Variants in TNN observed in about 807,000 individuals in gnomAD.
TNN encodes the protein tenascin-N.
In TNN, 122 loss-of-function variants were observed where a neutral mutation model predicts 134.4. That is an observed-to-expected ratio of 0.91 (90% CI 0.78 to 1.06). TNN has a LOEUF of 1.06. Ranked by LOEUF, TNN falls within the 50% of genes least tolerant of loss-of-function variation. The pLI, the probability that TNN is intolerant of heterozygous loss-of-function variation, is 0.00. For synonymous variants in TNN, 710 were observed against 670.3 expected (o/e 1.06, Z -0.91); for missense variants, 1,739 against 1,699.4 (o/e 1.02, Z -0.41).
chr1:175,070,733 A>T (rs1388351473), intron 1 of TNN, among the ~76,000 whole-genome samples: 1 of 152,196 alleles, frequency 6.6e-6, no homozygotes, highest in East Asian at 1.9e-4. Context: ...TCCCTTGTAT[A>T]TCCATTTTCT....
intron 12 of TNN, 21 bp downstream of exon 12, chr1:175,123,684 A>G (rs1385009858): frequency 6.2e-7 from 1 of 1,613,440 alleles, no homozygotes; most frequent in African/African-American, 1.3e-5. Flanking sequence ...GGACCAGGCC[A>G]GGGGAACACC....
At chr1:175,068,718 C>T (rs975848335) in intron 1 of TNN, among the ~76,000 whole-genome samples, 1 of 152,024 alleles carries the variant, frequency 6.6e-6, no homozygotes, top group African/African-American at 2.4e-5. Context: ...ACCAGCCTGA[C>T]CAACATGGAG....
chr1:175,145,552 C>CAGAAAAAAAAAAAA (rs1676042605), intron 18 of TNN, among the ~76,000 whole-genome samples: 1 of 28,910 alleles, frequency 3.5e-5, no homozygotes, highest in African/African-American at 1.5e-4. Context: ...GACCCTGTCT[C>CAGAAAAAAAAAAAA]AAAAAAAAAA....
intron 7 of TNN, among the ~76,000 whole-genome samples, chr1:175,096,040 G>C (rs1249668621): frequency 6.6e-6 from 1 of 152,260 alleles, no homozygotes; most frequent in South Asian, 2.1e-4. Context: ...ATTCACGCCT[G>C]TATGGCATTC....
intron 11 of TNN, among the ~76,000 whole-genome samples, chr1:175,120,176 G>A (rs928219080): frequency 3.2e-4 from 49 of 152,170 alleles, no homozygotes; most frequent in African/African-American, 1.2e-3. Flanking sequence ...CTTTTAATGA[G>A]CATCATCTAA....
intron 1 of TNN, 48 bp from the exon 2 acceptor site, chr1:175,077,336 C>T (rs1297907377): frequency 1.4e-6 from 2 of 1,430,494 alleles, no homozygotes; most frequent in Non-Finnish European, 9.4e-7. Context: ...AAGCCAGCTT[C>T]CCTCAGCACA....
Position 175,085,373 on chromosome 1 carries a change from A to G in TNN, c.1235-32A>G, listed in dbSNP as rs754849923. On this transcript the variant is annotated intron_variant, in intron 5 of 18. Transcript: ENST00000239462. ...CTGGGGAGAGGGGTCTGGAGCCTGC[A>G]CTCACATCCTGCGCTGCCTGCTTGT... The G allele has an allele frequency of 2.8e-6, 4 of 1,411,096 alleles. No homozygotes were observed. In the South Asian group the frequency reaches 3.5e-5, roughly 12 times the overall value. 87.4% of individuals were successfully genotyped at this position (1,411,096 alleles called of 1,614,324 possible).
At chr1:175,119,368 C>G (rs752852495) in intron 11 of TNN, among the ~76,000 whole-genome samples, 9 of 152,202 alleles carry the variant, frequency 5.9e-5, no homozygotes, top group Non-Finnish European at 1.2e-4. Flanking sequence ...AGAGGTCACT[C>G]TCATTGCCAT....
chr1:175,145,491 T>C (rs938161931), intron 18 of TNN, among the ~76,000 whole-genome samples: 1 of 127,254 alleles, frequency 7.9e-6, no homozygotes, highest in East Asian at 2.4e-4. Context: ...AGGTTGAGAC[T>C]GCAGTGAGCC....
intron 6 of TNN, among the ~76,000 whole-genome samples, chr1:175,091,683 G>A (rs10912883): frequency 0.55 from 82,825 of 151,244 alleles, 23,241 homozygotes; most frequent in African/African-American, 0.69. Flanking sequence ...CTGCCTTCCA[G>A]GTTCAAGCCA....
chr1:175,129,810 G>C (rs1178896850), intron 15 of TNN, among the ~76,000 whole-genome samples: 2 of 152,152 alleles, frequency 1.3e-5, no homozygotes, highest in East Asian at 3.9e-4. Flanking sequence ...TGCATAGCCT[G>C]ACTGGGGAGT....
chr1:175,123,658 A>G lies in TNN; in HGVS notation c.2909A>G (p.Gln970Arg), dbSNP rs148646044. The change falls in exon 12 of 19, where the codon CAG becomes CGG. Residue 970 changes from glutamine to arginine, a missense_variant. Gln to Arg is a conservative substitution (Grantham distance 43, BLOSUM62 1). Coordinates refer to ENST00000239462, the MANE Select transcript of TNN (RefSeq NM_022093.2). ...AGCAAGAAGGCTGACACCAAGGCCCAGACAGGTACTGAGAGGGACCAGGCC... is the reference window on the plus strand; with the variant it reads ...AGCAAGAAGGCTGACACCAAGGCCCGGACAGGTACTGAGAGGGACCAGGCC... ...QESKKADTKA[Q>R]TELDPPRNLR... The G allele has an allele frequency of 6.3e-5, 101 of 1,614,200 alleles. No individual in the cohort carries two copies. In the African/African-American group the frequency reaches 1.3e-3, roughly 21 times the overall value.
intron 18 of TNN, among the ~76,000 whole-genome samples, chr1:175,145,015 C>A (rs770031614): frequency 2.6e-4 from 40 of 152,020 alleles, no homozygotes; most frequent in Non-Finnish European, 5.0e-4. Context: ...TGTGGCTGTG[C>A]GTCCTCACAT....
intron 1 of TNN, among the ~76,000 whole-genome samples, chr1:175,072,642 G>A (rs576842409): frequency 1.3e-5 from 2 of 152,288 alleles, no homozygotes; most frequent in East Asian, 3.9e-4. Flanking sequence ...GAGCCAGCAG[G>A]CTTCTCTTCT....
At position 175,103,316 on chromosome 1, in the gene TNN, TA is replaced by T. The variant is rs2149434721; in HGVS notation, c.2119+4726del. 1.4e-5 allele frequency among the ~76,000 whole-genome samples: 2 copies of T among 146,410 alleles called. 1 individual carries two copies. Among genetic ancestry groups the T allele is most frequent in the East Asian group, 4.6e-4 (2 of 4,374 alleles). ...TCATACTATCCCCGACTGGTTAGTG[TA>T]AAAACAACATTCTTCCCCTAAGAAG... On this transcript the variant is annotated intron_variant, in intron 9 of 18. Coordinates refer to ENST00000239462, the MANE Select transcript of TNN (RefSeq NM_022093.2).
At chr1:175,144,315 G>T in intron 17 of TNN, 72 bp from the exon 18 acceptor site, 2 of 1,447,060 alleles carry the variant, frequency 1.4e-6, no homozygotes, top group Non-Finnish European at 1.9e-6. Context: ...AGATCTTCCT[G>T]CTGGGTCCTC....
rs578006728 is a variant in TNN at position 175,091,958 on chromosome 1, T to C, written c.1325-2032T>C. Among the ~76,000 whole-genome samples the C allele has an allele frequency of 1.4e-4, 21 of 152,272 alleles. No homozygotes were observed. In the South Asian group the frequency reaches 4.3e-3, roughly 32 times the overall value. ...AGCCACAGGCCTCTGCTGTGGGTCC[T>C]GGAAGCAATGGTAGCAAGCACCAAT... On this transcript the variant is annotated intron_variant, in intron 6 of 18. Transcript: ENST00000239462.
chr1:175,109,404 T>C (rs1674962984), intron 9 of TNN, among the ~76,000 whole-genome samples: 1 of 151,994 alleles, frequency 6.6e-6, no homozygotes, highest in African/African-American at 2.4e-5. Context: ...ACTGTATTTT[T>C]AAACCCTTAA....
chr1:175,144,858 C>A (rs1676025580), intron 18 of TNN, among the ~76,000 whole-genome samples: 1 of 152,256 alleles, frequency 6.6e-6, no homozygotes, highest in African/African-American at 2.4e-5. Flanking sequence ...TACTAGTTCA[C>A]ACACTGTCAG....
Sources: gnomAD v4.1 joint callset for allele counts (sites outside exome capture counted in the v4.1 genomes callset) on GRCh38, gnomAD v4.1.1 for gene constraint, MANE v1.5 for transcripts, NCBI Gene and HGNC (gene_info 2026-07-23, HGNC 2026-07-21) for gene names.